The following SLCO5A1 variants were observed in gnomAD, a reference collection of about 807,000 sequenced individuals.
The protein encoded by SLCO5A1 is organic anion transporter polypeptide-related protein 4.
Under a neutral mutation model 65.1 loss-of-function variants are expected in SLCO5A1, and 39 were observed. That is an observed-to-expected ratio of 0.60 (90% confidence interval 0.46 to 0.78). The LOEUF (loss-of-function observed/expected upper bound fraction) is 0.78. SLCO5A1 is among the 30% of genes least tolerant of loss of function. The probability of loss-of-function intolerance (pLI) is 0.00; values close to 1 mark genes in which losing one functional copy is unlikely to be tolerated. For synonymous variants in SLCO5A1, 438 were observed against 415.7 expected (o/e 1.05, Z -0.65); for missense variants, 1,029 against 1,069.4 (o/e 0.96, Z 0.53).
intron 5 of SLCO5A1, among the ~76,000 whole-genome samples, chr8:69,730,210 C>T (rs1034463962): frequency 1.3e-5 from 2 of 152,168 alleles, no homozygotes; most frequent in African/African-American, 2.4e-5. Flanking sequence ...GGTCTGTGTA[C>T]TACATTAGGC....
intron 2 of SLCO5A1, among the ~76,000 whole-genome samples, chr8:69,793,478 A>AATG (rs1312954739): frequency 6.6e-6 from 1 of 152,030 alleles, no homozygotes; most frequent in Non-Finnish European, 1.5e-5. Flanking sequence ...TAATAATAAT[A>AATG]ATAGAGCTGA....
At position 69,695,969 on chromosome 8, in the gene SLCO5A1, T is replaced by G. The variant is rs547262387; in HGVS notation, c.1622+9062A>C. On this transcript the variant is annotated intron_variant, in intron 6 of 9. Coordinates refer to ENST00000260126, the MANE Select transcript of SLCO5A1 (RefSeq NM_030958.3). ...AAAAACAGAGCCACCATCATGGGCA[T>G]GAGAAAGAAAGCTGACTGGGATGAA... 3.9e-5 allele frequency among the ~76,000 whole-genome samples: 6 copies of G among 152,300 alleles called. No individual in the cohort carries two copies. In the East Asian group the frequency reaches 1.2e-3, roughly 29 times the overall value.
intron 5 of SLCO5A1, among the ~76,000 whole-genome samples, chr8:69,727,086 C>T (rs866716523): frequency 2.0e-5 from 3 of 152,312 alleles, no homozygotes; most frequent in Middle Eastern, 3.4e-3. Context: ...GGGTCACAGG[C>T]AGCCTACAAG....
intron 5 of SLCO5A1, among the ~76,000 whole-genome samples, chr8:69,725,314 A>G (rs1816011062): frequency 6.6e-6 from 1 of 152,172 alleles, no homozygotes; most frequent in South Asian, 2.1e-4. Flanking sequence ...GCCTGCTAAC[A>G]TGCCCAGTAA....
chr8:69,734,422 C>A lies in SLCO5A1; in HGVS notation c.1423+3618G>T, dbSNP rs1332330467. Among the ~76,000 whole-genome samples the A allele has an allele frequency of 2.0e-5, 3 of 152,172 alleles. 1 individual carries two copies. The highest frequency in any genetic ancestry group is 7.2e-5 in the African/African-American group (3 of 41,446). On this transcript the variant is annotated intron_variant, in intron 5 of 9. Coordinates refer to ENST00000260126, the MANE Select transcript of SLCO5A1 (RefSeq NM_030958.3). ...CATTGTCCATGAAATGAAACTCAAC[C>A]ACACTGCCCCATCAGCGAAAATAAT...
At chr8:69,816,368 CAA>C (rs1299069745) in intron 2 of SLCO5A1, among the ~76,000 whole-genome samples, 1 of 152,162 alleles carries the variant, frequency 6.6e-6, no homozygotes, top group African/African-American at 2.4e-5. Flanking sequence ...TTGAAACTTA[CAA>C]AGTTTTCCAC....
intron 6 of SLCO5A1, among the ~76,000 whole-genome samples, chr8:69,698,910 C>T (rs536671100): frequency 1.3e-5 from 2 of 152,272 alleles, no homozygotes; most frequent in East Asian, 1.9e-4. Context: ...ACTGACGAAA[C>T]TTCTGAAAGG....
At chr8:69,790,316 C>T (rs907149349) in intron 2 of SLCO5A1, among the ~76,000 whole-genome samples, 1 of 151,824 alleles carries the variant, frequency 6.6e-6, no homozygotes, top group Non-Finnish European at 1.5e-5. Flanking sequence ...TGTACCAAAG[C>T]ATCTCACGTA....
At chr8:69,694,603 G>C (rs1429746916) in intron 6 of SLCO5A1, among the ~76,000 whole-genome samples, 6 of 152,328 alleles carry the variant, frequency 3.9e-5, no homozygotes, top group Admixed American at 3.3e-4. Flanking sequence ...CTCACACCCT[G>C]CTTGGAGAAA....
At chr8:69,751,286 T>G (rs947303595) in intron 4 of SLCO5A1, among the ~76,000 whole-genome samples, 6 of 152,206 alleles carry the variant, frequency 3.9e-5, no homozygotes, top group African/African-American at 1.4e-4. Context: ...GTGTTTATTT[T>G]TATTGGTAAG....
At chr8:69,767,211 C>T (rs2130869556) in intron 2 of SLCO5A1, among the ~76,000 whole-genome samples, 2 of 152,318 alleles carry the variant, frequency 1.3e-5, no homozygotes, top group South Asian at 4.1e-4. Context: ...ATCTTACAGG[C>T]AATGGAGTGC....
rs776136137 is a variant in SLCO5A1 at position 69,831,727 on chromosome 8, G to T, written c.907+40C>A. 9 of 1,557,534 alleles carry T rather than the reference G, an allele frequency of 5.8e-6. No individual in the cohort carries two copies. In the South Asian group the frequency reaches 1.1e-4, roughly 18 times the overall value. ...ATTTTTGTAAGGAAAGTAAGTTTCA[G>T]TGTGAGTGAAACATATCTGAGAGAA... On this transcript the variant is annotated intron_variant, in intron 2 of 9. Transcript: ENST00000260126.
At chr8:69,734,369 A>C (rs1265278256) in intron 5 of SLCO5A1, among the ~76,000 whole-genome samples, 5 of 152,192 alleles carry the variant, frequency 3.3e-5, no homozygotes, top group Non-Finnish European at 7.3e-5. Context: ...GGCAGATTCT[A>C]CTTTCCCTTA....
At chr8:69,727,715 CA>C (rs1816146578) in intron 5 of SLCO5A1, among the ~76,000 whole-genome samples, 1 of 152,226 alleles carries the variant, frequency 6.6e-6, no homozygotes, top group African/African-American at 2.4e-5. Context: ...TTTGGATTCC[CA>C]AAAGCTGTAT....
chr8:69,742,649 C>T (rs1012455449), intron 4 of SLCO5A1, among the ~76,000 whole-genome samples: 4 of 152,034 alleles, frequency 2.6e-5, no homozygotes, highest in Non-Finnish European at 5.9e-5. Flanking sequence ...TATAGGCGGC[C>T]CCATCATCAC....
At chr8:69,805,866 G>A (rs1476947795) in intron 2 of SLCO5A1, among the ~76,000 whole-genome samples, 1 of 152,196 alleles carries the variant, frequency 6.6e-6, no homozygotes, top group African/African-American at 2.4e-5. Flanking sequence ...GGTGTAAGAA[G>A]CAAAGCGTGG....
At chr8:69,772,658 A>AAAGGAAAGGAAAGGAAAG (rs1183856106) in intron 2 of SLCO5A1, among the ~76,000 whole-genome samples, 4 of 111,214 alleles carry the variant, frequency 3.6e-5, no homozygotes, top group Admixed American at 8.8e-5. Flanking sequence ...GGAAAGGAAA[A>AAAGGAAAGGAAAGGAAAG]GAAATGATTC....
rs1444617904 is a variant in SLCO5A1 at position 69,673,468 on chromosome 8, A to G, written c.2090-142T>C. ...CTTGTGTTACCAGATTTTTTTTAAG[A>G]CGCATCATATTTTATCACAATATAT... On this transcript the variant is annotated intron_variant, in intron 9 of 9. Coordinates refer to ENST00000260126, the MANE Select transcript of SLCO5A1 (RefSeq NM_030958.3). 4.4e-5 allele frequency: 29 copies of G among 665,020 alleles called. No individual in the cohort carries two copies. In the East Asian group the frequency reaches 7.3e-4, roughly 17 times the overall value. 41.2% of individuals were successfully genotyped at this position (665,020 alleles called of 1,614,324 possible).
intron 4 of SLCO5A1, 78 bp downstream of exon 4, chr8:69,755,346 A>G (rs1298116438): frequency 8.4e-7 from 1 of 1,189,894 alleles, no homozygotes; most frequent in African/African-American, 1.5e-5. Flanking sequence ...GTGGGTAGAC[A>G]GCATGGGCCT....
Sources: gnomAD v4.1 joint callset for allele counts (sites outside exome capture counted in the v4.1 genomes callset) on GRCh38, gnomAD v4.1.1 for gene constraint, MANE v1.5 for transcripts, NCBI Gene and HGNC (gene_info 2026-07-23, HGNC 2026-07-21) for gene names.